SERGEF: variants seen among roughly 807,000 people sequenced by gnomAD.
SERGEF encodes secretion-regulating guanine nucleotide exchange factor.
In SERGEF, 51 loss-of-function variants were observed where a neutral mutation model predicts 50.0. The ratio of observed to expected loss-of-function variants is 1.02; its 90% CI spans 0.81 to 1.29. The LOEUF is 1.29. Ranked by LOEUF, SERGEF falls within the 50% of genes most tolerant of loss-of-function variation. The pLI, the probability that SERGEF is intolerant of heterozygous loss-of-function variation, is 0.00. For synonymous variants in SERGEF, 205 were observed against 212.4 expected, an observed-to-expected ratio of 0.97 and a Z score of 0.30; for missense variants, 521 against 557.0, an observed-to-expected ratio of 0.94 and a Z score of 0.65.
At chr11:18,011,263 AAAG>A (rs543464824) in intron 1 of SERGEF, among the ~76,000 whole-genome samples, 44 of 152,312 alleles carry the variant, frequency 2.9e-4, no homozygotes, top group Admixed American at 2.2e-3. Flanking sequence ...CTGTATTTGG[AAAG>A]AAGGCCTTTA....
chr11:17,885,466 T>C (rs1341285515), intron 9 of SERGEF, among the ~76,000 whole-genome samples: 1 of 151,822 alleles, frequency 6.6e-6, no homozygotes, highest in Non-Finnish European at 1.5e-5. Flanking sequence ...GGACTACAGG[T>C]ACACACCACT....
chr11:17,934,991 T>C (rs1033012615), intron 9 of SERGEF, among the ~76,000 whole-genome samples: 3 of 152,178 alleles, frequency 2.0e-5, no homozygotes, highest in Non-Finnish European at 2.9e-5. Context: ...TATAGGGCCC[T>C]AGTGCTCCTG....
chr11:17,983,730 G>A (rs920243292), intron 8 of SERGEF, among the ~76,000 whole-genome samples: 3 of 127,654 alleles, frequency 2.4e-5, no homozygotes, highest in African/African-American at 5.8e-5. Flanking sequence ...AGAGGTTTAC[G>A]GTGCTATGAG....
At chr11:17,824,489 A>G (rs1419068433) in intron 10 of SERGEF, among the ~76,000 whole-genome samples, 1 of 152,214 alleles carries the variant, frequency 6.6e-6, no homozygotes, top group East Asian at 1.9e-4. Flanking sequence ...GTGGGGGGAT[A>G]TCATCAGACC....
At chr11:17,966,540 AATTTT>A (rs1167039451) in intron 8 of SERGEF, among the ~76,000 whole-genome samples, 2 of 152,220 alleles carry the variant, frequency 1.3e-5, no homozygotes, top group African/African-American at 4.8e-5. Context: ...TATACAATTT[AATTTT>A]ATTGTCACCT....
chr11:18,004,452 G>A lies in SERGEF; in HGVS notation c.436C>T (p.Gln146Ter). 2 of 1,612,978 alleles carry A rather than the reference G, an allele frequency of 1.2e-6. No homozygotes were observed. The highest frequency in any genetic ancestry group is 1.7e-6 in the Non-Finnish European group (2 of 1,179,134). Residue 146 changes from glutamine to a stop codon, truncating the protein, a stop_gained, in exon 4 of 11, where the codon CAG becomes TAG. Transcript: ENST00000265965. LOFTEE classifies it high-confidence loss of function. ...TTAACTGTCCTCACCTCAATGGCCT[G>A]GGGAACCACACATCTTCGAGGTCCA... is the stretch of plus-strand genomic sequence containing the variant. ...PHGPRRCVVP[Q>*]AIELHKEKVV...
At chr11:17,925,017 G>T (rs1487702353) in intron 9 of SERGEF, among the ~76,000 whole-genome samples, 1 of 152,070 alleles carries the variant, frequency 6.6e-6, no homozygotes, top group African/African-American at 2.4e-5. Context: ...ATGCAAACTT[G>T]GGGATGGAGT....
intron 9 of SERGEF, among the ~76,000 whole-genome samples, chr11:17,907,339 A>G (rs1468363506): frequency 6.6e-6 from 1 of 152,102 alleles, no homozygotes; most frequent in East Asian, 1.9e-4. Context: ...AACTGGATAA[A>G]CTCTACAGTG....
At chr11:17,885,507 G>A (rs1183093068) in intron 9 of SERGEF, among the ~76,000 whole-genome samples, 4 of 151,454 alleles carry the variant, frequency 2.6e-5, no homozygotes, top group Non-Finnish European at 5.9e-5. Flanking sequence ...TTTACTTCTT[G>A]TAGGAACAGG....
At chr11:17,949,779 G>A (rs560303624) in intron 9 of SERGEF, among the ~76,000 whole-genome samples, 12 of 152,284 alleles carry the variant, frequency 7.9e-5, no homozygotes, top group African/African-American at 2.2e-4. Flanking sequence ...CTGCTCAACA[G>A]AGCCAAGGAA....
chr11:17,978,463 G>A (rs931238249), intron 8 of SERGEF, among the ~76,000 whole-genome samples: 7 of 152,182 alleles, frequency 4.6e-5, no homozygotes, highest in Non-Finnish European at 8.8e-5. Context: ...ACTGGACAGG[G>A]CAGAGGCGAG....
At chr11:17,887,272 A>G (rs375202004) in intron 9 of SERGEF, among the ~76,000 whole-genome samples, 7 of 152,294 alleles carry the variant, frequency 4.6e-5, no homozygotes, top group African/African-American at 1.7e-4. Flanking sequence ...ACTTATGCTA[A>G]AGTACAATAC....
At chr11:17,832,801 G>A (rs1040487478) in intron 10 of SERGEF, among the ~76,000 whole-genome samples, 1 of 152,216 alleles carries the variant, frequency 6.6e-6, no homozygotes, top group African/African-American at 2.4e-5. Flanking sequence ...GCGGTATTTT[G>A]TCCCTGCCCT....
intron 3 of SERGEF, 62 bp from the exon 4 acceptor site, chr11:18,004,597 A>G (rs1590247795): frequency 8.5e-7 from 1 of 1,173,132 alleles, no homozygotes; most frequent in African/African-American, 1.5e-5. Flanking sequence ...ACCAATGGGT[A>G]AATGCTGCAG....
rs1208052700 is a variant in SERGEF at position 17,896,702 on chromosome 11, A to AG, written c.1012-18459dup. 4.8e-3 allele frequency among the ~76,000 whole-genome samples: 461 copies of AG among 96,930 alleles called. 41 individuals carry two copies. The highest frequency in any genetic ancestry group is 8.6e-3 in the Non-Finnish European group (354 of 41,212). 63.6% of individuals were successfully genotyped at this position (96,930 alleles called of 152,430 possible). A position where few individuals can be genotyped will look rare whatever the true frequency, so the allele number is the denominator to read the frequency against. ...AAGGGGAAGGGAAAGGGGAAGGGTA[A>AG]GGGAAGGGTAAGGGAAGGGTAACGG... On this transcript the variant is annotated intron_variant, in intron 9 of 10. Coordinates refer to ENST00000265965, the MANE Select transcript of SERGEF (RefSeq NM_012139.4).
At chr11:17,862,716 G>GT (rs924690499) in intron 10 of SERGEF, among the ~76,000 whole-genome samples, 2 of 152,184 alleles carry the variant, frequency 1.3e-5, no homozygotes, top group Non-Finnish European at 2.9e-5. Flanking sequence ...AGGCAATACT[G>GT]TGAGTCTGAG....
chr11:18,012,035 C>A (rs1004218957), intron 1 of SERGEF, among the ~76,000 whole-genome samples: 1 of 152,150 alleles, frequency 6.6e-6, no homozygotes, highest in African/African-American at 2.4e-5. Flanking sequence ...GTGTATTTCA[C>A]TCATGTGTAT....
intron 1 of SERGEF, among the ~76,000 whole-genome samples, chr11:18,011,835 C>CCCAG (rs911772734): frequency 6.6e-6 from 1 of 152,196 alleles, no homozygotes; most frequent in Non-Finnish European, 1.5e-5. Context: ...CTCAAAGACG[C>CCCAG]CCAGCCAGCC....
chr11:17,823,400 C>T (rs1850118548), intron 10 of SERGEF, among the ~76,000 whole-genome samples: 1 of 152,192 alleles, frequency 6.6e-6, no homozygotes, highest in Non-Finnish European at 1.5e-5. Flanking sequence ...TCCCCCTCCC[C>T]CAACCCCTTT....
Sources: allele counts gnomAD v4.1 joint callset (sites outside exome capture counted in the v4.1 genomes callset), GRCh38; gene constraint gnomAD v4.1.1; transcripts MANE v1.5; gene names NCBI Gene and HGNC (gene_info 2026-07-23, HGNC 2026-07-21).